The following AP4E1 variants were observed in gnomAD, a reference collection of about 807,000 sequenced individuals.
AP4E1 encodes the protein AP-4 complex subunit epsilon-1.
In AP4E1, 56 loss-of-function variants were observed where a neutral mutation model predicts 128.2. The ratio of observed to expected loss-of-function variants is 0.44; its 90% CI spans 0.35 to 0.55. The LOEUF is 0.55. AP4E1 is among the 20% of genes least tolerant of loss of function. The pLI is 0.00. For synonymous variants in AP4E1, 484 were observed against 473.1 expected (o/e 1.02, Z -0.30); for missense variants, 1,324 against 1,307.7 (o/e 1.01, Z -0.19).
At chr15:50,993,263 T>C in intron 16 of AP4E1, 107 bp from the exon 17 acceptor site, 1 of 1,171,210 alleles carries the variant, frequency 8.5e-7, no homozygotes, top group Non-Finnish European at 1.2e-6. Flanking sequence ...AATGTGACAG[T>C]TGTTTTTAAA....
At chr15:50,965,770 T>A (rs7176764) in intron 14 of AP4E1, among the ~76,000 whole-genome samples, 1,687 of 152,310 alleles carry the variant, frequency 0.011, 28 homozygotes, top group African/African-American at 0.039. Flanking sequence ...TCAATCTACT[T>A]GTTAAAGTCT....
At chr15:50,990,754 C>T (rs1567261347) in intron 16 of AP4E1, among the ~76,000 whole-genome samples, 3 of 152,076 alleles carry the variant, frequency 2.0e-5, no homozygotes, top group Admixed American at 6.6e-5. Context: ...AGTATGTATG[C>T]AGATGAAATA....
chr15:50,920,714 A>G lies in AP4E1; in HGVS notation c.347-3217A>G, dbSNP rs754912846. Among the ~76,000 whole-genome samples the G allele has an allele frequency of 3.2e-4, 49 of 151,146 alleles. 1 individual carries two copies. The highest frequency in any genetic ancestry group is 3.1e-3 in the Admixed American group (47 of 15,140). Reference sequence around the variant, plus strand: ...CGCCCGGCCATTTTATGCCTTCTACATGTCTTCACTCTGGTACTGTTGTCT... The same window carrying G: ...CGCCCGGCCATTTTATGCCTTCTACGTGTCTTCACTCTGGTACTGTTGTCT... On this transcript the variant is annotated intron_variant, in intron 3 of 20. Transcript: ENST00000261842.
At chr15:50,941,857 G>T in intron 10 of AP4E1, 82 bp downstream of exon 10, 1 of 971,402 alleles carries the variant, frequency 1.0e-6, no homozygotes, top group Non-Finnish European at 1.6e-6. Context: ...AGATTAAAGT[G>T]GTGGGCAGTG....
In AP4E1 at chr15:50,941,756, A is replaced by T; in HGVS notation, c.1157A>T (p.Asp386Val). Residue 386 changes from aspartate to valine, a missense_variant, in exon 10 of 21, where the codon GAT (aspartate) becomes GTT (valine). By Grantham distance (152) the Asp-to-Val change is radical (BLOSUM62 -3). Coordinates refer to ENST00000261842, the MANE Select transcript of AP4E1 (RefSeq NM_007347.5). ...MTIIECLDHP[D>V]PIIKRETLEL... ...ATAATTGAATGTTTAGATCATCCTG[A>T]TCCCATTATTAAAAGAGAGGTAAAC... 1 of 1,610,298 alleles carries T rather than the reference A, an allele frequency of 6.2e-7. No homozygotes were observed. The highest frequency in any genetic ancestry group is 8.5e-7 in the Non-Finnish European group (1 of 1,176,730).
chr15:50,909,379 A>G (rs1355301880), intron 1 of AP4E1, among the ~76,000 whole-genome samples: 2 of 152,066 alleles, frequency 1.3e-5, no homozygotes, highest in East Asian at 3.9e-4. Context: ...GGTGCCTTCA[A>G]CTGAACAACA....
At chr15:50,968,960 A>G (rs1186197735) in intron 15 of AP4E1, among the ~76,000 whole-genome samples, 1 of 151,656 alleles carries the variant, frequency 6.6e-6, no homozygotes, top group Non-Finnish European at 1.5e-5. Context: ...TTGATAATAT[A>G]TTTATTAACA....
At chr15:50,968,102 G>T (rs1020251664) in intron 14 of AP4E1, among the ~76,000 whole-genome samples, 161 bp from the exon 15 acceptor site, 6 of 152,182 alleles carry the variant, frequency 3.9e-5, no homozygotes, top group African/African-American at 1.4e-4. Context: ...TTACAGTCAT[G>T]AGCCACCATG....
chr15:50,986,732 G>A (rs2064729455), intron 16 of AP4E1, among the ~76,000 whole-genome samples: 1 of 152,132 alleles, frequency 6.6e-6, no homozygotes, highest in Non-Finnish European at 1.5e-5. Flanking sequence ...GAGGATTTTT[G>A]CATCGATGTT....
At chr15:50,945,159 AAAG>A (rs745928036) in intron 10 of AP4E1, 91 of 868,906 alleles carry the variant, frequency 1.0e-4, no homozygotes, top group Non-Finnish European at 1.6e-4. Flanking sequence ...TCATCACTGT[AAAG>A]AAGCTGTTTT....
chr15:50,908,614 T>A, upstream of AP4E1: 1 of 942,836 alleles, frequency 1.1e-6, no homozygotes, highest in Non-Finnish European at 1.4e-6. Flanking sequence ...TCTGGTGGCC[T>A]CTCGCGAGAA....
intron 13 of AP4E1, among the ~76,000 whole-genome samples, chr15:50,955,268 C>T (rs979763076): frequency 1.3e-5 from 2 of 152,216 alleles, no homozygotes; most frequent in Non-Finnish European, 2.9e-5. Context: ...CTGTCTTCCA[C>T]AATGGTTGAA....
intron 8 of AP4E1, among the ~76,000 whole-genome samples, chr15:50,936,304 A>C (rs1425950363): frequency 6.6e-6 from 1 of 152,016 alleles, no homozygotes; most frequent in African/African-American, 2.4e-5. Flanking sequence ...AGTGTCCAGG[A>C]TAAGGGTTTG....
At chr15:50,914,377 G>A (rs2063602843) in intron 2 of AP4E1, among the ~76,000 whole-genome samples, 1 of 152,064 alleles carries the variant, frequency 6.6e-6, no homozygotes, top group Non-Finnish European at 1.5e-5. Flanking sequence ...GTGGACGGGT[G>A]TGGTGGCTCA....
chr15:50,985,871 G>C (rs1329741892), intron 16 of AP4E1, among the ~76,000 whole-genome samples: 3 of 152,146 alleles, frequency 2.0e-5, no homozygotes, highest in South Asian at 4.1e-4. Flanking sequence ...GCTTGATGGG[G>C]ATGGCATTGA....
chr15:50,991,293 C>G (rs2064804209), intron 16 of AP4E1, among the ~76,000 whole-genome samples: 2 of 152,098 alleles, frequency 1.3e-5, no homozygotes, highest in South Asian at 4.1e-4. Flanking sequence ...TGTTAAACTA[C>G]TATTTAAATC....
chr15:50,993,576 T>A lies in AP4E1; in HGVS notation c.2297T>A (p.Leu766Gln), dbSNP rs763374417. ...AAAGAGGAGAAAGAAAAGCAGCTGC[T>A]GGCATCATCATTATTTGTTGGTCTA... is the stretch of plus-strand genomic sequence containing the variant. ...QSKEEKEKQL[L>Q]ASSLFVGLGS... The change falls in exon 17 of 21, where the codon CTG (leucine) becomes CAG (glutamine). Residue 766 changes from leucine to glutamine, a missense_variant. By Grantham distance (113) the Leu-to-Gln change is moderately radical (BLOSUM62 -2). Transcript: ENST00000261842. 1.2e-6 allele frequency: 2 copies of A among 1,613,852 alleles called. No homozygotes were observed. Among genetic ancestry groups the A allele is most frequent in the Non-Finnish European group, 8.5e-7 (1 of 1,179,892 alleles).
intron 15 of AP4E1, among the ~76,000 whole-genome samples, chr15:50,969,516 T>A (rs1232359496): frequency 6.6e-6 from 1 of 151,792 alleles, no homozygotes; most frequent in Non-Finnish European, 1.5e-5. Context: ...TTTTTAAATT[T>A]TCTTAATTGA....
At chr15:50,945,751 A>G (rs763115327) in intron 10 of AP4E1, 2 of 767,562 alleles carry the variant, frequency 2.6e-6, no homozygotes, top group Non-Finnish European at 4.8e-6. Flanking sequence ...TGGTGTGCTT[A>G]CATCATGAGA....
Sources: allele counts gnomAD v4.1 joint callset (sites outside exome capture counted in the v4.1 genomes callset), GRCh38; gene constraint gnomAD v4.1.1; transcripts MANE v1.5; gene names NCBI Gene and HGNC (gene_info 2026-07-23, HGNC 2026-07-21).